The following MYO10 variants were observed in gnomAD, a reference collection of about 807,000 sequenced individuals.
MYO10 encodes the protein unconventional myosin-X.
MYO10 carries 133 observed loss-of-function variants against 257.3 expected under a neutral mutation model. The ratio of observed to expected loss-of-function variants is 0.52; its 90% CI spans 0.45 to 0.60. The LOEUF is 0.60. MYO10 is among the 20% of genes least tolerant of loss of function. MYO10 has a pLI of 0.00. For synonymous variants in MYO10, 1,104 were observed against 1,028.6 expected, an observed-to-expected ratio of 1.07 and a Z score of -1.40; for missense variants, 2,399 against 2,635.7, an observed-to-expected ratio of 0.91 and a Z score of 1.97.
chr5:16,693,539 T>C (rs1579839009), intron 27 of MYO10, among the ~76,000 whole-genome samples: 1 of 152,268 alleles, frequency 6.6e-6, no homozygotes, highest in African/African-American at 2.4e-5. Flanking sequence ...TTACAATGAA[T>C]ACTTTTCTGA....
intron 1 of MYO10, chr5:16,902,781 C>T (rs770472204): frequency 5.5e-4 from 345 of 622,994 alleles, no homozygotes; most frequent in Non-Finnish European, 8.2e-4. Flanking sequence ...GGATTACAGG[C>T]GTAAGCCACC....
At chr5:16,818,429 C>A (rs1411004882) in intron 2 of MYO10, among the ~76,000 whole-genome samples, 5 of 130,800 alleles carry the variant, frequency 3.8e-5, no homozygotes, top group East Asian at 2.4e-4. Context: ...TATATATACA[C>A]ATATCTTTGT....
chr5:16,827,683 A>C (rs986193686), intron 2 of MYO10, among the ~76,000 whole-genome samples: 2 of 152,192 alleles, frequency 1.3e-5, no homozygotes, highest in Admixed American at 6.5e-5. Context: ...TCAAAGACTC[A>C]AACTAGTTTG....
chr5:16,905,245 C>T (rs139865213), intron 1 of MYO10, among the ~76,000 whole-genome samples: 63 of 152,254 alleles, frequency 4.1e-4, no homozygotes, highest in African/African-American at 1.3e-3. Context: ...AGAATGGACT[C>T]GGTATTCCAC....
chr5:16,772,844 A>G (rs1039738645), intron 9 of MYO10, among the ~76,000 whole-genome samples: 2 of 152,208 alleles, frequency 1.3e-5, no homozygotes, highest in African/African-American at 2.4e-5. Context: ...TTTTAGTTAC[A>G]TGGAACTCTA....
At position 16,902,475 on chromosome 5, in the gene MYO10, G is replaced by A. The variant is rs901534949; in HGVS notation, c.22-24768C>T. On this transcript the variant is annotated intron_variant, in intron 1 of 40. Coordinates refer to ENST00000513610, the MANE Select transcript of MYO10 (RefSeq NM_012334.3). ...AAGCACATAGGCATCGAAGACGCTCGCTTCAGACATGTCCCTGACTGCTGC... is the reference window on the plus strand; with the variant it reads ...AAGCACATAGGCATCGAAGACGCTCACTTCAGACATGTCCCTGACTGCTGC... The A allele has an allele frequency of 4.0e-6, 6 of 1,498,842 alleles. No individual in the cohort carries two copies. In the African/African-American group the frequency reaches 5.5e-5, roughly 14 times the overall value. 92.8% of individuals were successfully genotyped at this position (1,498,842 alleles called of 1,614,324 possible). A position where few individuals can be genotyped will look rare whatever the true frequency, so the allele number is the denominator to read the frequency against.
intron 19 of MYO10, among the ~76,000 whole-genome samples, chr5:16,748,417 G>GT (rs1173171321): frequency 1.3e-5 from 2 of 151,804 alleles, no homozygotes; most frequent in Non-Finnish European, 2.9e-5. Context: ...GCAAATTTTT[G>GT]TTTTTTTGGT....
chr5:16,850,282 T>A (rs1349892555), intron 2 of MYO10, among the ~76,000 whole-genome samples: 1 of 152,284 alleles, frequency 6.6e-6, no homozygotes, highest in Non-Finnish European at 1.5e-5. Context: ...TTATTTATTT[T>A]TATTTATTTT....
intron 1 of MYO10, among the ~76,000 whole-genome samples, chr5:16,878,817 T>C (rs906497869): frequency 6.6e-6 from 1 of 151,964 alleles, no homozygotes; most frequent in African/African-American, 2.4e-5. Flanking sequence ...ATGATGGACT[T>C]TGGGGACTCA....
At chr5:16,838,135 A>G (rs1269762277) in intron 2 of MYO10, among the ~76,000 whole-genome samples, 1 of 152,198 alleles carries the variant, frequency 6.6e-6, no homozygotes. Context: ...TGGCCACTAA[A>G]TGTTCAAGTA....
chr5:16,759,231 A>G (rs193274408), intron 17 of MYO10, among the ~76,000 whole-genome samples: 225 of 152,280 alleles, frequency 1.5e-3, no homozygotes, highest in African/African-American at 5.0e-3. Context: ...CCAGCCTTCA[A>G]TGATTTTTAA....
At chr5:16,839,536 A>G (rs971884826) in intron 2 of MYO10, among the ~76,000 whole-genome samples, 6 of 152,140 alleles carry the variant, frequency 3.9e-5, no homozygotes, top group African/African-American at 1.4e-4. Context: ...TTGAGCCAGG[A>G]GTTCGAGACC....
intron 1 of MYO10, among the ~76,000 whole-genome samples, chr5:16,879,509 T>C (rs1744700562): frequency 6.6e-6 from 1 of 152,168 alleles, no homozygotes; most frequent in South Asian, 2.1e-4. Flanking sequence ...TGACATTATA[T>C]TGAATACTAA....
intron 1 of MYO10, among the ~76,000 whole-genome samples, chr5:16,915,694 G>A (rs937726399): frequency 3.3e-5 from 5 of 152,164 alleles, no homozygotes; most frequent in South Asian, 4.1e-4. Context: ...AGTGGCTCAC[G>A]CCTACAATCC....
At chr5:16,676,652 G>T (rs1481509151) in intron 33 of MYO10, among the ~76,000 whole-genome samples, 4 of 152,134 alleles carry the variant, frequency 2.6e-5, no homozygotes, top group Non-Finnish European at 5.9e-5. Context: ...GGAGGCGGAG[G>T]TTGCAGTGAG....
chr5:16,835,860 G>C (rs1374194844), intron 2 of MYO10, among the ~76,000 whole-genome samples: 1 of 151,760 alleles, frequency 6.6e-6, no homozygotes, highest in Non-Finnish European at 1.5e-5. Context: ...ATCATGCTCT[G>C]GGAGAGTTTT....
chr5:16,853,705 C>A (rs1287972597), intron 2 of MYO10, among the ~76,000 whole-genome samples: 2 of 152,100 alleles, frequency 1.3e-5, no homozygotes, highest in Non-Finnish European at 2.9e-5. Context: ...ACTTAGGGGG[C>A]CTCAGTGTCA....
rs115561259 is a variant in MYO10, at chr5:16,708,394, C to T, written c.2169+2514G>A. Reference sequence around the variant, plus strand: ...ATGTCTCTGTGTCCCCTATGCTACACTACGTCCCAAGCCTGCCTTGGGCCT... The same window carrying T: ...ATGTCTCTGTGTCCCCTATGCTACATTACGTCCCAAGCCTGCCTTGGGCCT... On this transcript the variant is annotated intron_variant, in intron 21 of 40. Transcript: ENST00000513610. Among the ~76,000 whole-genome samples, 1,141 of 152,320 alleles carry T rather than the reference C, an allele frequency of 7.5e-3. 20 individuals carry two copies. The highest frequency in any genetic ancestry group is 0.025 in the African/African-American group (1,058 of 41,564).
intron 1 of MYO10, among the ~76,000 whole-genome samples, chr5:16,923,551 T>C (rs898637484): frequency 1.3e-5 from 2 of 150,906 alleles, no homozygotes; most frequent in Non-Finnish European, 2.9e-5. Context: ...CCTCCCAAAG[T>C]GCTGGGATCA....
Sources: allele counts gnomAD v4.1 joint callset (sites outside exome capture counted in the v4.1 genomes callset), GRCh38; gene constraint gnomAD v4.1.1; transcripts MANE v1.5; gene names NCBI Gene and HGNC (gene_info 2026-07-23, HGNC 2026-07-21).